The following PRKCB variants were observed in gnomAD, a reference collection of about 807,000 sequenced individuals.
PRKCB encodes protein kinase C beta type.
In PRKCB, 13 loss-of-function variants were observed where a neutral mutation model predicts 81.5. That is an observed-to-expected ratio of 0.16 (90% CI 0.10 to 0.25). The LOEUF (loss-of-function observed/expected upper bound fraction) is 0.25, where lower values mean the gene tolerates loss of function less well. Ranked by LOEUF, PRKCB falls within the 10% of genes least tolerant of loss-of-function variation. PRKCB has a pLI of 1.00. For missense variants in PRKCB, 509 were observed against 875.7 expected (o/e 0.58, Z 5.29); for synonymous variants, 335 against 321.4 (o/e 1.04, Z -0.45).
chr16:24,135,149 T>A (rs182378662), intron 9 of PRKCB, among the ~76,000 whole-genome samples: 1,647 of 151,894 alleles, frequency 0.011, 33 homozygotes, highest in African/African-American at 0.036. Context: ...CCTGGTGGGT[T>A]TTGATGGAGA....
chr16:24,163,129 C>T (rs1228917085), intron 10 of PRKCB, among the ~76,000 whole-genome samples: 1 of 152,140 alleles, frequency 6.6e-6, no homozygotes, highest in African/African-American at 2.4e-5. Context: ...GGTGTTTATT[C>T]CTGGCCCAAT....
At chr16:24,134,753 G>GAA (rs112032959) in intron 9 of PRKCB, among the ~76,000 whole-genome samples, 51,586 of 143,576 alleles carry the variant, frequency 0.36, 9,040 homozygotes, top group South Asian at 0.48. Flanking sequence ...CGTCTCAAAG[G>GAA]AAAAAAAAAA....
chr16:24,031,129 CG>C (rs1188575617), intron 3 of PRKCB, among the ~76,000 whole-genome samples: 1 of 152,138 alleles, frequency 6.6e-6, no homozygotes, highest in Non-Finnish European at 1.5e-5. Flanking sequence ...CTTAGAGCCC[CG>C]GAAGTTTATC....
intron 16 of PRKCB, among the ~76,000 whole-genome samples, chr16:24,203,755 A>G (rs1968000790): frequency 6.6e-6 from 1 of 152,214 alleles, no homozygotes; most frequent in Non-Finnish European, 1.5e-5. Flanking sequence ...CCCAAATGGC[A>G]TATGGAAAAC....
chr16:24,201,832 G>A (rs181479818), intron 16 of PRKCB, among the ~76,000 whole-genome samples: 39 of 152,188 alleles, frequency 2.6e-4, no homozygotes, highest in African/African-American at 8.4e-4. Context: ...TCAGGAGATC[G>A]AGACCATCTT....
Position 24,169,627 on chromosome 16 carries a change from G to A in PRKCB, c.1240-2643G>A, listed in dbSNP as rs143543462. 5.7e-4 allele frequency among the ~76,000 whole-genome samples: 87 copies of A among 152,120 alleles called. 1 individual carries two copies. Among genetic ancestry groups the A allele is most frequent in the African/African-American group, 2.0e-3 (81 of 41,488 alleles). On this transcript the variant is annotated intron_variant, in intron 10 of 16. Coordinates refer to ENST00000643927, the MANE Select transcript of PRKCB (RefSeq NM_002738.7). Reference sequence around the variant, plus strand: ...TCCTTCAAGTCTTTGCTGAAGGATCGCCTTCTAAATAAGATTATCCTGAAT... The same window carrying A: ...TCCTTCAAGTCTTTGCTGAAGGATCACCTTCTAAATAAGATTATCCTGAAT...
At chr16:24,179,485 C>T (rs901036965) in intron 12 of PRKCB, among the ~76,000 whole-genome samples, 3 of 152,200 alleles carry the variant, frequency 2.0e-5, no homozygotes, top group Admixed American at 6.5e-5. Flanking sequence ...CTATTAGGAC[C>T]GATCCATCTC....
At chr16:24,064,527 G>A (rs1474375124) in intron 5 of PRKCB, among the ~76,000 whole-genome samples, 1 of 152,134 alleles carries the variant, frequency 6.6e-6, no homozygotes, top group African/African-American at 2.4e-5. Flanking sequence ...TATTCCATGT[G>A]CACTTACAAA....
intron 3 of PRKCB, among the ~76,000 whole-genome samples, chr16:24,021,038 T>TTCTC (rs766018675): frequency 1.2e-5 from 1 of 82,174 alleles, no homozygotes; most frequent in Non-Finnish European, 2.8e-5. Context: ...CTTTCTTTCT[T>TTCTC]TCTCTTTCTT....
intron 2 of PRKCB, among the ~76,000 whole-genome samples, chr16:23,848,839 A>G (rs1690493309): frequency 6.6e-6 from 1 of 152,230 alleles, no homozygotes; most frequent in Non-Finnish European, 1.5e-5. Flanking sequence ...TACCTGACAT[A>G]TATACAGTAA....
chr16:24,014,383 C>G (rs568700335), intron 3 of PRKCB, among the ~76,000 whole-genome samples: 1 of 152,010 alleles, frequency 6.6e-6, no homozygotes, highest in Non-Finnish European at 1.5e-5. Flanking sequence ...ACTGTACACC[C>G]TGAGCAATGA....
At chr16:23,953,261 A>G (rs1420171235) in intron 2 of PRKCB, among the ~76,000 whole-genome samples, 1 of 152,102 alleles carries the variant, frequency 6.6e-6, no homozygotes, top group Non-Finnish European at 1.5e-5. Context: ...CCAGCTGTCT[A>G]CCGGGGTTTT....
At chr16:24,104,778 G>A (rs1379138660) in intron 7 of PRKCB, among the ~76,000 whole-genome samples, 1 of 152,176 alleles carries the variant, frequency 6.6e-6, no homozygotes, top group Non-Finnish European at 1.5e-5. Flanking sequence ...GGAGACTCCT[G>A]TAGCTGGAGC....
chr16:24,081,036 C>T (rs1044949974), intron 5 of PRKCB, among the ~76,000 whole-genome samples: 1 of 152,040 alleles, frequency 6.6e-6, no homozygotes. Flanking sequence ...TCTTCCAGTT[C>T]GTCATTTGTG....
At chr16:24,020,157 C>T (rs12935297) in intron 3 of PRKCB, among the ~76,000 whole-genome samples, 57,038 of 152,038 alleles carry the variant, frequency 0.38, 11,171 homozygotes, top group South Asian at 0.53. Context: ...CAGAAACTGT[C>T]GGGATGAACA....
At chr16:23,952,905 G>A (rs767206919) in intron 2 of PRKCB, among the ~76,000 whole-genome samples, 25 of 152,138 alleles carry the variant, frequency 1.6e-4, no homozygotes, top group Non-Finnish European at 2.9e-4. Flanking sequence ...CGCCTGAATT[G>A]GCAGGTTTAG....
chr16:24,001,108 GC>G (rs759018216), intron 3 of PRKCB, among the ~76,000 whole-genome samples: 14 of 152,114 alleles, frequency 9.2e-5, no homozygotes, highest in Admixed American at 3.3e-4. Context: ...GTCTGGAGGA[GC>G]CTCTCCTGCT....
intron 2 of PRKCB, among the ~76,000 whole-genome samples, chr16:23,883,275 G>A (rs1963151932): frequency 6.6e-6 from 1 of 152,198 alleles, no homozygotes; most frequent in African/African-American, 2.4e-5. Flanking sequence ...CTAACTGGGT[G>A]ACAGGTGACC....
intron 5 of PRKCB, among the ~76,000 whole-genome samples, chr16:24,081,584 C>A (rs934459036): frequency 1.3e-5 from 2 of 152,054 alleles, no homozygotes; most frequent in African/African-American, 4.8e-5. Flanking sequence ...TTTTTAAAGG[C>A]ATGTGGGGCT....
Sources: gnomAD v4.1 joint callset for allele counts (sites outside exome capture counted in the v4.1 genomes callset) on GRCh38, gnomAD v4.1.1 for gene constraint, MANE v1.5 for transcripts, NCBI Gene and HGNC (gene_info 2026-07-23, HGNC 2026-07-21) for gene names.